Variants in MSN observed in about 807,000 individuals in gnomAD.
The protein encoded by MSN is moesin, also known as epididymis luminal protein 70.
MSN carries 2 observed loss-of-function variants against 48.0 expected under a neutral mutation model. That is an observed-to-expected ratio of 0.04 (90% CI 0.02 to 0.13). MSN has a LOEUF of 0.13. MSN is among the 10% of genes least tolerant of loss of function. The pLI, the probability that MSN is intolerant of heterozygous loss-of-function variation, is 1.00. For synonymous variants in MSN, 146 were observed against 166.9 expected, an observed-to-expected ratio of 0.87 and a Z score of 0.97; for missense variants, 267 against 470.1, an observed-to-expected ratio of 0.57 and a Z score of 3.99.
upstream of MSN, among the ~76,000 whole-genome samples, chrX:65,664,028 C>T (rs2070846509): frequency 9.5e-6 from 1 of 104,898 alleles, no homozygotes; most frequent in Non-Finnish European, 2.0e-5. Flanking sequence ...CCACTGCACT[C>T]CAGCCTGGGT....
intron 1 of MSN, among the ~76,000 whole-genome samples, chrX:65,591,884 T>C (rs1176322500): frequency 9.0e-6 from 1 of 111,221 alleles, no homozygotes; most frequent in African/African-American, 3.3e-5. Context: ...ATGAGAGACT[T>C]CTGAGTGATG....
intron 1 of MSN, among the ~76,000 whole-genome samples, chrX:65,714,386 T>C (rs1183322548): frequency 8.9e-6 from 1 of 111,991 alleles, no homozygotes; most frequent in Non-Finnish European, 1.9e-5. Flanking sequence ...CTTTGAGAAA[T>C]TGCCACACTG....
intron 2 of MSN, among the ~76,000 whole-genome samples, chrX:65,725,079 C>A (rs1282988907): frequency 8.9e-6 from 1 of 112,273 alleles, no homozygotes; most frequent in Non-Finnish European, 1.9e-5. Flanking sequence ...CTGTAAAGTC[C>A]AAGAGCATGG....
intron 1 of MSN, among the ~76,000 whole-genome samples, chrX:65,622,510 GTTTTTTTTTT>G (rs1216557190): frequency 1.5e-5 from 1 of 66,478 alleles, no homozygotes; most frequent in Non-Finnish European, 3.2e-5. Flanking sequence ...AGGCATCTTT[GTTTTTTTTTT>G]TTTTTTTTTT....
At chrX:65,633,613 T>G (rs757901713) in intron 1 of MSN, among the ~76,000 whole-genome samples, 108 of 111,990 alleles carry the variant, frequency 9.6e-4, no homozygotes, top group African/African-American at 3.2e-3. Flanking sequence ...AACTTTGGCC[T>G]GATAAGGAAA....
intron 1 of MSN, among the ~76,000 whole-genome samples, chrX:65,612,592 G>A (rs189346144): frequency 3.7e-5 from 4 of 106,818 alleles, no homozygotes; most frequent in Admixed American, 1.0e-4. Flanking sequence ...GCAGGGTCTC[G>A]CTCTGTCACC....
chrX:65,679,454 G>C (rs1350051253), intron 1 of MSN, among the ~76,000 whole-genome samples: 2 of 111,536 alleles, frequency 1.8e-5, no homozygotes, highest in Non-Finnish European at 3.8e-5. Flanking sequence ...TATGGGCTTG[G>C]GTGGAGCAAA....
chrX:65,629,548 C>T (rs931803030), intron 1 of MSN, among the ~76,000 whole-genome samples: 2 of 111,487 alleles, frequency 1.8e-5, no homozygotes, highest in East Asian at 2.8e-4. Context: ...AAGACATACC[C>T]GAGACTGGGA....
exon 1 of MSN, chrX:65,588,496 G>A (rs1602698990): frequency 8.0e-6 from 6 of 746,784 alleles, no homozygotes; most frequent in East Asian, 1.4e-4. Context: ...GCAGCCATGA[G>A]CTCCGGGGGC....
intron 1 of MSN, among the ~76,000 whole-genome samples, chrX:65,710,682 TTAA>T (rs1161855130): frequency 8.9e-6 from 1 of 111,905 alleles, no homozygotes; most frequent in Non-Finnish European, 1.9e-5. Context: ...TTAAGGTTTC[TTAA>T]TAATAGAAGT....
At chrX:65,618,444 C>G (rs1602723537) in intron 1 of MSN, among the ~76,000 whole-genome samples, 1 of 110,080 alleles carries the variant, frequency 9.1e-6, no homozygotes, top group Admixed American at 9.7e-5. Flanking sequence ...TTGAATTGAT[C>G]CCTTTACCAT....
chrX:65,735,238 A>T (rs1447764145), intron 7 of MSN, 29 bp from the exon 8 acceptor site: 2 of 1,202,541 alleles, frequency 1.7e-6, no homozygotes, highest in Non-Finnish European at 2.2e-6. Flanking sequence ...GTCCCTCCAA[A>T]TTCTTTCTGA....
intron 1 of MSN, among the ~76,000 whole-genome samples, chrX:65,708,823 C>T (rs2147492308): frequency 9.0e-6 from 1 of 110,832 alleles, no homozygotes; most frequent in South Asian, 3.8e-4. Flanking sequence ...GCTGGGATTA[C>T]AGGCACACGC....
intron 1 of MSN, among the ~76,000 whole-genome samples, chrX:65,692,061 C>T (rs2071178150): frequency 8.9e-6 from 1 of 112,437 alleles, no homozygotes; most frequent in African/African-American, 3.2e-5. Flanking sequence ...GCATCCTTAG[C>T]TTGATTTCCT....
intron 7 of MSN, among the ~76,000 whole-genome samples, chrX:65,734,617 G>A (rs1167485438): frequency 8.9e-6 from 1 of 111,925 alleles, no homozygotes; most frequent in Non-Finnish European, 1.9e-5. Context: ...GGATTTTCTT[G>A]TGTGTTTTCT....
At chrX:65,732,307 A>G (rs1386492019) in intron 6 of MSN, among the ~76,000 whole-genome samples, 1 of 112,302 alleles carries the variant, frequency 8.9e-6, no homozygotes, top group East Asian at 2.8e-4. Context: ...AGAACGTAAA[A>G]TGTCTTAATA....
At chrX:65,604,334 G>A (rs753591464) in intron 1 of MSN, among the ~76,000 whole-genome samples, 53 of 112,102 alleles carry the variant, frequency 4.7e-4, no homozygotes, top group Non-Finnish European at 9.4e-5. Context: ...TAGATGGCTG[G>A]CCATGTGGGT....
At chrX:65,649,559 G>C (rs1415601267) in intron 1 of MSN, among the ~76,000 whole-genome samples, 2 of 99,005 alleles carry the variant, frequency 2.0e-5, no homozygotes, top group Non-Finnish European at 4.0e-5. Flanking sequence ...CTAGGTGACA[G>C]AGAGAGACTC....
intron 1 of MSN, among the ~76,000 whole-genome samples, chrX:65,599,525 C>T (rs1047721091): frequency 2.7e-5 from 3 of 110,074 alleles, no homozygotes; most frequent in Admixed American, 9.7e-5. Flanking sequence ...CCCAACTACT[C>T]GGTAGGCTGA....
Sources: allele counts gnomAD v4.1 joint callset (sites outside exome capture counted in the v4.1 genomes callset), GRCh38; gene constraint gnomAD v4.1.1; transcripts MANE v1.5; gene names NCBI Gene and HGNC (gene_info 2026-07-23, HGNC 2026-07-21).